The following KIAA0586 variants were observed in gnomAD, a reference collection of about 807,000 sequenced individuals.
KIAA0586 encodes protein TALPID3.
In KIAA0586, 144 loss-of-function variants were observed where a neutral mutation model predicts 169.8. The observed-to-expected ratio is 0.85, with a 90% CI of 0.74 to 0.97. The LOEUF is 0.97. KIAA0586 is among the 50% of genes least tolerant of loss of function. The pLI, the probability that KIAA0586 is intolerant of heterozygous loss-of-function variation, is 0.00. For synonymous variants in KIAA0586, 625 were observed against 612.4 expected, an observed-to-expected ratio of 1.02 and a Z score of -0.30; for missense variants, 1,854 against 1,823.0, an observed-to-expected ratio of 1.02 and a Z score of -0.31.
intron 4 of KIAA0586, among the ~76,000 whole-genome samples, chr14:58,439,366 T>C (rs2038103759): frequency 6.6e-6 from 1 of 152,150 alleles, no homozygotes; most frequent in Non-Finnish European, 1.5e-5. Context: ...TTTTGTATTT[T>C]TTAGTAGAGA....
intron 6 of KIAA0586, among the ~76,000 whole-genome samples, chr14:58,447,478 G>A (rs1743729): frequency 0.63 from 87,131 of 137,418 alleles, 28,286 homozygotes; most frequent in East Asian, 0.88. Flanking sequence ...ATTTTATTTT[G>A]TTTTATTTTA....
At chr14:58,522,738 A>G (rs2045311549) in intron 29 of KIAA0586, among the ~76,000 whole-genome samples, 1 of 152,228 alleles carries the variant, frequency 6.6e-6, no homozygotes, top group Non-Finnish European at 1.5e-5. Flanking sequence ...ACTATTAAAT[A>G]TGAAAAGGCA....
At chr14:58,485,081 A>G (rs8020961) in intron 21 of KIAA0586, among the ~76,000 whole-genome samples, 143,749 of 147,190 alleles carry the variant, frequency 0.98, 70,295 homozygotes, top group Non-Finnish European at 1. Flanking sequence ...CCGCCACCAC[A>G]CCCAGCTAAT....
Position 58,448,386 on chromosome 14 carries a change from T to C in KIAA0586, c.854T>C (p.Val285Ala). Residue 285 changes from valine (V) to alanine (A), a missense_variant, in exon 7 of 31, where the codon GTT (valine) becomes GCT (alanine). By Grantham distance (64) the Val-to-Ala change is moderately conservative. Coordinates refer to ENST00000652326, the MANE Select transcript of KIAA0586 (RefSeq NM_001329943.3). Reference sequence around the variant, plus strand: ...CTCAAGACTAGTAGTTTTCAGCCTGTTAGTATGCCCTCCTCCAGAGCAGTG... The same window carrying C: ...CTCAAGACTAGTAGTTTTCAGCCTGCTAGTATGCCCTCCTCCAGAGCAGTG... The part of the protein sequence containing the change: ...AALKTSSFQP[V>A]SMPSSRAVEK... The C allele has an allele frequency of 6.2e-7, 1 of 1,607,754 alleles. No individual in the cohort carries two copies. The highest frequency in any genetic ancestry group is 8.5e-7 in the Non-Finnish European group (1 of 1,174,656).
intron 21 of KIAA0586, among the ~76,000 whole-genome samples, chr14:58,483,726 C>T (rs1013759743): frequency 6.6e-6 from 1 of 151,964 alleles, no homozygotes; most frequent in East Asian, 1.9e-4. Flanking sequence ...TCTATTATAG[C>T]AATATGAAAT....
At position 58,547,983 on chromosome 14, in the gene KIAA0586, T is replaced by C; in HGVS notation, c.*51T>C. The C allele has an allele frequency of 1.3e-6, 2 of 1,596,070 alleles. No homozygotes were observed. The highest frequency in any genetic ancestry group is 1.7e-6 in the Non-Finnish European group (2 of 1,168,030). ...TTTATGCCACTGGTTTTAAAGTCAT[T>C]TTACCTTGGCTTAAAACCCTCTCTC... is the stretch of plus-strand genomic sequence containing the variant. On this transcript the variant is annotated 3_prime_UTR_variant, in exon 31 of 31. Coordinates refer to ENST00000652326, the MANE Select transcript of KIAA0586 (RefSeq NM_001329943.3).
chr14:58,468,448 T>C (rs1484850430), intron 16 of KIAA0586, among the ~76,000 whole-genome samples: 4 of 152,230 alleles, frequency 2.6e-5, no homozygotes, highest in Non-Finnish European at 5.9e-5. Flanking sequence ...TATATACAAG[T>C]GGCTTGGTGA....
chr14:58,492,808 G>A (rs887130335), intron 26 of KIAA0586, among the ~76,000 whole-genome samples: 1 of 152,172 alleles, frequency 6.6e-6, no homozygotes, highest in African/African-American at 2.4e-5. Flanking sequence ...GCAACGAAAG[G>A]GAAGGACATT....
intron 19 of KIAA0586, among the ~76,000 whole-genome samples, chr14:58,476,668 CTTT>C (rs10666323): frequency 1.5e-5 from 2 of 131,640 alleles, no homozygotes; most frequent in Non-Finnish European, 1.6e-5. Flanking sequence ...TTCAGAGGTA[CTTT>C]TTTTTTTTTT....
intron 4 of KIAA0586, 77 bp downstream of exon 4, chr14:58,432,534 A>G: frequency 1.3e-6 from 1 of 770,554 alleles, no homozygotes; most frequent in South Asian, 1.8e-5. Flanking sequence ...ACATATGAAA[A>G]ACCTTTTCAC....
chr14:58,495,863 G>C (rs1435312493), intron 26 of KIAA0586, among the ~76,000 whole-genome samples: 7 of 151,888 alleles, frequency 4.6e-5, no homozygotes, highest in African/African-American at 1.5e-4. Context: ...AGATACTAAG[G>C]CATGGAATTG....
intron 29 of KIAA0586, chr14:58,521,720 G>T (rs2045242963): frequency 5.8e-6 from 5 of 857,360 alleles, no homozygotes; most frequent in South Asian, 2.6e-5. Flanking sequence ...AAACCTAGAA[G>T]AAAATTGAAA....
intron 8 of KIAA0586, among the ~76,000 whole-genome samples, chr14:58,452,919 A>G (rs979981662): frequency 7.0e-6 from 1 of 143,006 alleles, no homozygotes; most frequent in Non-Finnish European, 1.5e-5. Flanking sequence ...GTAGGCTATA[A>G]ATTTTTTTTT....
intron 29 of KIAA0586, among the ~76,000 whole-genome samples, chr14:58,522,945 A>T (rs1419558359): frequency 6.6e-6 from 1 of 152,138 alleles, no homozygotes; most frequent in Admixed American, 6.5e-5. Flanking sequence ...ACAATAATGG[A>T]TTTTTAAACA....
chr14:58,527,106 A>T (rs1289575186), intron 29 of KIAA0586, among the ~76,000 whole-genome samples: 1 of 152,078 alleles, frequency 6.6e-6, no homozygotes, highest in Admixed American at 6.6e-5. Context: ...AGGATATCAG[A>T]GATTGAAGAT....
chr14:58,538,763 T>C (rs2046458818), intron 29 of KIAA0586, among the ~76,000 whole-genome samples: 1 of 151,840 alleles, frequency 6.6e-6, no homozygotes, highest in Non-Finnish European at 1.5e-5. Flanking sequence ...ATCCTTCTAC[T>C]GCCTATCTCC....
chr14:58,519,843 T>C (rs183065433), intron 29 of KIAA0586, among the ~76,000 whole-genome samples: 1 of 152,354 alleles, frequency 6.6e-6, no homozygotes, highest in Non-Finnish European at 1.5e-5. Flanking sequence ...AATTCTGTTA[T>C]TTAGTAATAA....
At chr14:58,478,508 A>G (rs1384876758) in intron 20 of KIAA0586, among the ~76,000 whole-genome samples, 6 of 151,910 alleles carry the variant, frequency 3.9e-5, no homozygotes, top group African/African-American at 9.7e-5. Context: ...CAGTCAATCA[A>G]TTTGGTAGAG....
intron 22 of KIAA0586, 149 bp downstream of exon 22, chr14:58,487,315 A>C: frequency 1.4e-6 from 1 of 725,016 alleles, no homozygotes; most frequent in Non-Finnish European, 2.2e-6. Context: ...TTAAAAGTCT[A>C]TAATTGAGGC....
Sources: gnomAD v4.1 joint callset for allele counts (sites outside exome capture counted in the v4.1 genomes callset) on GRCh38, gnomAD v4.1.1 for gene constraint, MANE v1.5 for transcripts, NCBI Gene and HGNC (gene_info 2026-07-23, HGNC 2026-07-21) for gene names.